Variants in BACE2 observed in about 807,000 individuals in gnomAD.
The protein encoded by BACE2 is beta-secretase 2.
BACE2 carries 17 observed loss-of-function variants against 46.2 expected under a neutral mutation model. The ratio of observed to expected loss-of-function variants is 0.37; its 90% CI spans 0.25 to 0.55. BACE2 has a LOEUF of 0.55. BACE2 is among the 20% of genes least tolerant of loss of function. BACE2 has a pLI of 0.82. For missense variants in BACE2, 595 were observed against 698.1 expected, an observed-to-expected ratio of 0.85 and a Z score of 1.66; for synonymous variants, 277 against 295.9, an observed-to-expected ratio of 0.94 and a Z score of 0.66.
chr21:41,184,339 T>G (rs967893381), intron 1 of BACE2: 1 of 167,066 alleles, frequency 6.0e-6, no homozygotes, highest in Non-Finnish European at 1.5e-5. Flanking sequence ...CTCTACTTTT[T>G]TTTCCCCACA....
chr21:41,266,315 T>G (rs762949649), intron 8 of BACE2, among the ~76,000 whole-genome samples: 19 of 152,210 alleles, frequency 1.2e-4, no homozygotes, highest in Non-Finnish European at 2.1e-4. Context: ...GTTCATCTTG[T>G]TTTTGTGTCT....
At chr21:41,226,406 A>T in intron 2 of BACE2, 52 bp downstream of exon 2, 1 of 1,487,554 alleles carries the variant, frequency 6.7e-7, no homozygotes, top group African/African-American at 1.4e-5. Flanking sequence ...TGCATGATCA[A>T]CATGCTTCAA....
intron 3 of BACE2, among the ~76,000 whole-genome samples, chr21:41,238,917 A>G (rs555990358): frequency 2.5e-3 from 364 of 145,238 alleles, no homozygotes; most frequent in African/African-American, 8.8e-3. Context: ...ACTAACCTGC[A>G]CAATGTGCAC....
chr21:41,249,124 C>T (rs1201469765), intron 6 of BACE2, among the ~76,000 whole-genome samples: 1 of 152,064 alleles, frequency 6.6e-6, no homozygotes, highest in Non-Finnish European at 1.5e-5. Context: ...TGGGCATGTA[C>T]ACTTGGCCTC....
At chr21:41,207,198 A>T (rs978633728) in intron 1 of BACE2, among the ~76,000 whole-genome samples, 3 of 152,178 alleles carry the variant, frequency 2.0e-5, no homozygotes, top group Admixed American at 6.5e-5. Context: ...AATTTTGGGA[A>T]ATGCATAATG....
At chr21:41,179,083 G>A (rs975979247) in intron 1 of BACE2, 1 of 1,176,844 alleles carries the variant, frequency 8.5e-7, no homozygotes, top group Non-Finnish European at 1.1e-6. Flanking sequence ...TCAGGGTGAG[G>A]AGTGAGGGTG....
chr21:41,237,522 A>T lies in BACE2; in HGVS notation c.411A>T (p.Thr137=). ...TCTTTTCTTTCTCCAGGTCTAGCAC[A>T]TACCGCTCCAAGGGCTTTGACGTCA... is the stretch of plus-strand genomic sequence containing the variant. ...DTYFDTERSS[T]YRSKGFDVTV... is the part of the protein sequence containing the mutation. Residue 137 remains threonine (T), a synonymous_variant, in exon 3 of 9, where the codon ACA becomes ACT. Transcript: ENST00000330333. The T allele has an allele frequency of 1.2e-6, 2 of 1,613,942 alleles. No individual in the cohort carries two copies. The highest frequency in any genetic ancestry group is 2.2e-5 in the South Asian group (2 of 91,078).
chr21:41,238,954 T>TAAAAA (rs34474586), intron 3 of BACE2, among the ~76,000 whole-genome samples: 106 of 85,486 alleles, frequency 1.2e-3, no homozygotes, highest in Non-Finnish European at 1.6e-3. Context: ...AAAGTATAAT[T>TAAAAA]AAAAAAAAAA....
rs1892781907 is a variant in BACE2, at chr21:41,279,266, T to C, written c.*3642T>C. The C allele has an allele frequency of 1.3e-5, 2 of 152,148 alleles. No individual in the cohort carries two copies. Among genetic ancestry groups the C allele is most frequent in the Admixed American group, 1.3e-4 (2 of 15,274 alleles). 9.4% of individuals were successfully genotyped at this position (152,148 alleles called of 1,614,324 possible). On this transcript the variant is annotated 3_prime_UTR_variant, in exon 9 of 9. Transcript: ENST00000330333. ...GAAAGAATAAGAATATAATTAAAAG[T>C]ATGCTAACAAAATAAGCAGTACATA...
intron 8 of BACE2, among the ~76,000 whole-genome samples, chr21:41,261,280 G>A (rs1323685657): frequency 6.6e-6 from 1 of 152,132 alleles, no homozygotes; most frequent in Non-Finnish European, 1.5e-5. Context: ...AAGCATGACT[G>A]TATTTGTTTT....
chr21:41,180,009 C>G (rs540949485), intron 1 of BACE2: 117 of 336,574 alleles, frequency 3.5e-4, no homozygotes, highest in Non-Finnish European at 6.0e-4. Context: ...CGGCTGTGCA[C>G]AGCAGCAGCA....
At chr21:41,199,543 G>C (rs1985878693) in intron 1 of BACE2, among the ~76,000 whole-genome samples, 1 of 152,162 alleles carries the variant, frequency 6.6e-6, no homozygotes, top group African/African-American at 2.4e-5. Context: ...CCAAGGAGTA[G>C]GGCATTTTCC....
intron 1 of BACE2, among the ~76,000 whole-genome samples, chr21:41,195,475 C>T (rs184755596): frequency 4.2e-4 from 64 of 152,324 alleles, no homozygotes; most frequent in Middle Eastern, 3.4e-3. Context: ...CAGTCAAATA[C>T]AGAACTTCCC....
chr21:41,194,817 A>G (rs1384819874), intron 1 of BACE2, among the ~76,000 whole-genome samples: 1 of 152,232 alleles, frequency 6.6e-6, no homozygotes, highest in African/African-American at 2.4e-5. Flanking sequence ...AATAATAATA[A>G]AGTACCTTAA....
At chr21:41,186,421 G>A (rs1985377479) in intron 1 of BACE2, 1 of 152,276 alleles carries the variant, frequency 6.6e-6, no homozygotes, top group African/African-American at 2.4e-5. Context: ...CTCTTTATTG[G>A]TACTTCCTCA....
At chr21:41,234,142 T>C (rs1479773778) in intron 2 of BACE2, among the ~76,000 whole-genome samples, 2 of 152,086 alleles carry the variant, frequency 1.3e-5, no homozygotes, top group African/African-American at 4.8e-5. Context: ...AGTGAATAAG[T>C]TTTACGAGAT....
chr21:41,190,825 C>T (rs1190983609), intron 1 of BACE2, among the ~76,000 whole-genome samples: 1 of 152,178 alleles, frequency 6.6e-6, no homozygotes, highest in African/African-American at 2.4e-5. Context: ...CTGATTTCAT[C>T]TTGATAGTCT....
intron 1 of BACE2, among the ~76,000 whole-genome samples, chr21:41,196,501 A>G (rs1019228336): frequency 6.6e-6 from 1 of 152,212 alleles, no homozygotes; most frequent in Admixed American, 6.5e-5. Flanking sequence ...TGGTAAATCT[A>G]CACCATCGAA....
intron 1 of BACE2, among the ~76,000 whole-genome samples, chr21:41,200,883 T>C (rs542200630): frequency 6.6e-6 from 1 of 152,286 alleles, no homozygotes; most frequent in African/African-American, 2.4e-5. Context: ...GTGTCCGTTG[T>C]TTAAGCTGCC....
Sources: gnomAD v4.1 joint callset for allele counts (sites outside exome capture counted in the v4.1 genomes callset) on GRCh38, gnomAD v4.1.1 for gene constraint, MANE v1.5 for transcripts, NCBI Gene and HGNC (gene_info 2026-07-23, HGNC 2026-07-21) for gene names.